Variants in DDR2 observed in about 807,000 individuals in gnomAD.
DDR2 encodes the protein discoidin domain receptor tyrosine kinase 2.
DDR2 carries 27 observed loss-of-function variants against 94.9 expected under a neutral mutation model. The observed-to-expected ratio is 0.28, with a 90% confidence interval of 0.21 to 0.39. The LOEUF (loss-of-function observed/expected upper bound fraction) is 0.39. Among genes scored for constraint, DDR2 ranks in the 10% least tolerant of loss-of-function variants. The pLI is 1.00. For synonymous variants in DDR2, 382 were observed against 377.2 expected, an observed-to-expected ratio of 1.01 and a Z score of -0.15; for missense variants, 783 against 1,076.0, an observed-to-expected ratio of 0.73 and a Z score of 3.81.
At chr1:162,750,394 A>G (rs577234058) in intron 3 of DDR2, among the ~76,000 whole-genome samples, 2,776 of 152,306 alleles carry the variant, frequency 0.018, 75 homozygotes, top group African/African-American at 0.063. Context: ...CCCATTCACA[A>G]TTGCTTCAAA....
intron 3 of DDR2, among the ~76,000 whole-genome samples, chr1:162,723,709 CTCT>C (rs1661526307): frequency 6.6e-6 from 1 of 152,312 alleles, no homozygotes; most frequent in African/African-American, 2.4e-5. Flanking sequence ...GGAGAAACAT[CTCT>C]TCTTCTCAGC....
rs1648067845 is a variant in DDR2, at chr1:162,784,464, G to A, written c.*4218G>A. On this transcript the variant is annotated 3_prime_UTR_variant, in exon 18 of 18. Transcript: ENST00000367921. ...GTCTCTAATGTTTCTTCATCTCCAG[G>A]AAGATGCAGATCCTTATTTTTGCTG... 1 of 152,914 alleles carries A rather than the reference G, an allele frequency of 6.5e-6. No homozygotes were observed. Among genetic ancestry groups the A allele is most frequent in the Admixed American group, 6.6e-5 (1 of 15,160 alleles). 9.5% of individuals were successfully genotyped at this position (152,914 alleles called of 1,614,324 possible). A position where few individuals can be genotyped will look rare whatever the true frequency, so the allele number is the denominator to read the frequency against.
chr1:162,783,694 T>G lies in DDR2; in HGVS notation c.*3448T>G, dbSNP rs1010921848. The G allele has an allele frequency of 2.6e-5, 4 of 152,142 alleles. No individual in the cohort carries two copies. Among genetic ancestry groups the G allele is most frequent in the African/African-American group, 7.2e-5 (3 of 41,418 alleles). 9.4% of individuals were successfully genotyped at this position (152,142 alleles called of 1,614,324 possible). A position where few individuals can be genotyped will look rare whatever the true frequency, so the allele number is the denominator to read the frequency against. The stretch of plus-strand genomic sequence containing the variant: ...ATATTTATTAAGAAATGAAGTCAGG[T>G]TCAGTGTATGAAATGGAAAGGAATT... On this transcript the variant is annotated 3_prime_UTR_variant, in exon 18 of 18. Transcript: ENST00000367921.
intron 2 of DDR2, among the ~76,000 whole-genome samples, chr1:162,690,118 G>A (rs1659900973): frequency 6.6e-6 from 1 of 151,916 alleles, no homozygotes; most frequent in South Asian, 2.1e-4. Flanking sequence ...TGAGAGCTGG[G>A]CACTTTCTAA....
Position 162,787,112 on chromosome 1 carries a change from T to G in DDR2, c.*6866T>G, listed in dbSNP as rs1440306142. ...TATACTTTTAGTTTTCTGAGAATATTTCTCAGAATATGTGAGTTTTCTGAG... is the reference window on the plus strand; with the variant it reads ...TATACTTTTAGTTTTCTGAGAATATGTCTCAGAATATGTGAGTTTTCTGAG... On this transcript the variant is annotated 3_prime_UTR_variant, in exon 18 of 18. Transcript: ENST00000367921. 2 of 152,304 alleles carry G rather than the reference T, an allele frequency of 1.3e-5. No homozygotes were observed. The highest frequency in any genetic ancestry group is 4.1e-4 in the South Asian group (2 of 4,832). 9.4% of individuals were successfully genotyped at this position (152,304 alleles called of 1,614,324 possible). A position where few individuals can be genotyped will look rare whatever the true frequency, so the allele number is the denominator to read the frequency against.
Position 162,755,172 on chromosome 1 carries a change from G to A in DDR2, c.434G>A (p.Ser145Asn), listed in dbSNP as rs1663398032. 1 of 1,614,096 alleles carries A rather than the reference G, an allele frequency of 6.2e-7. No individual in the cohort carries two copies. Among genetic ancestry groups the A allele is most frequent in the South Asian group, 1.1e-5 (1 of 91,078 alleles). The change falls in exon 6 of 18, where the codon AGT becomes AAT. Residue 145 changes from serine (S) to asparagine (N), a missense_variant. Ser to Asn is a conservative substitution (Grantham distance 46). Transcript: ENST00000367921. ...TCTCCTCAGGTGCTGGATGGAAATA[G>A]TAACCCCTATGACATTTTCCTAAAG... ...RHGKQVLDGN[S>N]NPYDIFLKDL...
At chr1:162,749,021 T>C (rs926635835) in intron 3 of DDR2, among the ~76,000 whole-genome samples, 10 of 152,146 alleles carry the variant, frequency 6.6e-5, no homozygotes, top group African/African-American at 2.2e-4. Flanking sequence ...TAGAGGGAAA[T>C]TTATAGCACT....
At chr1:162,631,603 C>T (rs1656561406), upstream of DDR2, among the ~76,000 whole-genome samples, 1 of 152,088 alleles carries the variant, frequency 6.6e-6, no homozygotes, top group Admixed American at 6.5e-5. Context: ...GATCCAGGCT[C>T]TGAAGGGTTA....
intron 2 of DDR2, chr1:162,705,100 C>G (rs1480960799): frequency 6.6e-6 from 1 of 152,288 alleles, no homozygotes; most frequent in Non-Finnish European, 1.5e-5. Flanking sequence ...TCTGTGGAGA[C>G]CTTTGGCTGG....
intron 3 of DDR2, among the ~76,000 whole-genome samples, chr1:162,752,360 C>G (rs1447440097): frequency 6.6e-6 from 1 of 152,200 alleles, no homozygotes; most frequent in African/African-American, 2.4e-5. Flanking sequence ...CACTCTCATG[C>G]CAGTAAGCTG....
In DDR2 at chr1:162,658,685, A is replaced by T. The variant is rs571484701; in HGVS notation, c.-28+3311A>T. 2.0e-5 allele frequency among the ~76,000 whole-genome samples: 3 copies of T among 148,718 alleles called. No individual in the cohort carries two copies. In the East Asian group the frequency reaches 5.9e-4, roughly 29 times the overall value. ...TACAAAAAAAAAAAAAAAAAATGCC[A>T]GGTATGATGGGGCCTGCCTGTCGTT... On this transcript the variant is annotated intron_variant, in intron 2 of 17. Transcript: ENST00000367921.
intron 2 of DDR2, among the ~76,000 whole-genome samples, chr1:162,685,938 G>A (rs538592411): frequency 6.6e-6 from 1 of 152,186 alleles, no homozygotes; most frequent in Non-Finnish European, 1.5e-5. Context: ...CGCACACCAG[G>A]CATTCTATTC....
intron 2 of DDR2, among the ~76,000 whole-genome samples, chr1:162,705,602 G>A (rs1660625840): frequency 6.6e-6 from 1 of 152,158 alleles, no homozygotes; most frequent in African/African-American, 2.4e-5. Context: ...CAGTGCCAGG[G>A]CTGACAGGGG....
chr1:162,733,853 A>G (rs925629345), intron 3 of DDR2, among the ~76,000 whole-genome samples: 1 of 152,224 alleles, frequency 6.6e-6, no homozygotes, highest in Non-Finnish European at 1.5e-5. Flanking sequence ...TTGTTACTTA[A>G]TAGAGCTCGC....
chr1:162,649,817 C>G (rs1388490841), intron 1 of DDR2, among the ~76,000 whole-genome samples: 1 of 152,228 alleles, frequency 6.6e-6, no homozygotes, highest in Non-Finnish European at 1.5e-5. Flanking sequence ...AGTTCAGTTG[C>G]TAAGCAACAC....
intron 3 of DDR2, among the ~76,000 whole-genome samples, chr1:162,736,519 T>C (rs555834708): frequency 2.6e-5 from 4 of 152,242 alleles, no homozygotes; most frequent in African/African-American, 9.6e-5. Context: ...GAATGTGTGA[T>C]TAGTGGGAAA....
chr1:162,640,707 T>A (rs1432870279), intron 1 of DDR2, among the ~76,000 whole-genome samples: 1 of 152,228 alleles, frequency 6.6e-6, no homozygotes, highest in Non-Finnish European at 1.5e-5. Context: ...AATGATATTA[T>A]TTTATTTATT....
At chr1:162,725,299 T>C (rs972254331) in intron 3 of DDR2, among the ~76,000 whole-genome samples, 14 of 152,198 alleles carry the variant, frequency 9.2e-5, no homozygotes, top group African/African-American at 3.4e-4. Flanking sequence ...CCAGCAAGCA[T>C]GCTCTTTTCT....
At chr1:162,636,898 C>CA (rs1368190004) in intron 1 of DDR2, among the ~76,000 whole-genome samples, 4 of 151,530 alleles carry the variant, frequency 2.6e-5, no homozygotes, top group African/African-American at 9.7e-5. Flanking sequence ...CTTATGAATC[C>CA]AAAAAAACAT....
Sources: gnomAD v4.1 joint callset for allele counts (sites outside exome capture counted in the v4.1 genomes callset) on GRCh38, gnomAD v4.1.1 for gene constraint, MANE v1.5 for transcripts, NCBI Gene and HGNC (gene_info 2026-07-23, HGNC 2026-07-21) for gene names.